The following PSMA1 variants were observed in gnomAD, a reference collection of about 807,000 sequenced individuals.
PSMA1 encodes proteasome 20S subunit alpha 1, also known as proteasome subunit alpha type-1.
In PSMA1, 3 loss-of-function variants were observed where a neutral mutation model predicts 38.4. That is an observed-to-expected ratio of 0.08 (90% CI 0.04 to 0.20). PSMA1 has a LOEUF of 0.20. PSMA1 is among the 10% of genes least tolerant of loss of function. The pLI is 1.00. For synonymous variants in PSMA1, 101 were observed against 107.1 expected, an observed-to-expected ratio of 0.94 and a Z score of 0.35; for missense variants, 227 against 325.3, an observed-to-expected ratio of 0.70 and a Z score of 2.32.
At chr11:14,514,296 T>G in intron 5 of PSMA1, 107 bp downstream of exon 5, 1 of 1,394,818 alleles carries the variant, frequency 7.2e-7, no homozygotes, top group East Asian at 2.8e-5. Flanking sequence ...GTTTTAAAGT[T>G]TTCACAATCT....
At chr11:14,563,402 A>T (rs972107277) in intron 2 of PSMA1, among the ~76,000 whole-genome samples, 12 of 152,112 alleles carry the variant, frequency 7.9e-5, no homozygotes, top group African/African-American at 2.9e-4. Context: ...GAGTTAATTG[A>T]CCTGTGCTGG....
At chr11:14,569,708 AG>A (rs1354563375) in intron 2 of PSMA1, among the ~76,000 whole-genome samples, 1 of 152,198 alleles carries the variant, frequency 6.6e-6, no homozygotes, top group Non-Finnish European at 1.5e-5. Context: ...CAAAGCAGCC[AG>A]GAAGCTTGAA....
intron 4 of PSMA1, 68 bp downstream of exon 4, chr11:14,517,574 G>A: frequency 8.0e-7 from 1 of 1,251,032 alleles, no homozygotes; most frequent in Non-Finnish European, 1.1e-6. Context: ...TACCTTATCT[G>A]GATCTTTTTG....
At chr11:14,631,434 A>G (rs935907694) in intron 1 of PSMA1, among the ~76,000 whole-genome samples, 1 of 152,134 alleles carries the variant, frequency 6.6e-6, no homozygotes, top group East Asian at 1.9e-4. Context: ...CCCAGTAGTC[A>G]TTCAGGAGCA....
intron 2 of PSMA1, among the ~76,000 whole-genome samples, chr11:14,583,735 A>G (rs1852308045): frequency 6.6e-6 from 1 of 152,192 alleles, no homozygotes; most frequent in Non-Finnish European, 1.5e-5. Flanking sequence ...AGCAAAGGAG[A>G]CACAACATTA....
At chr11:14,553,360 G>T (rs1851908048) in intron 2 of PSMA1, among the ~76,000 whole-genome samples, 1 of 151,930 alleles carries the variant, frequency 6.6e-6, no homozygotes, top group Middle Eastern at 3.2e-3. Context: ...TGTGTGTGTA[G>T]TTCTATGCAA....
chr11:14,636,106 T>A (rs1166930158), intron 1 of PSMA1, among the ~76,000 whole-genome samples: 1 of 152,182 alleles, frequency 6.6e-6, no homozygotes, highest in Non-Finnish European at 1.5e-5. Flanking sequence ...ATGATGAAAC[T>A]AAAGGTAAAG....
chr11:14,553,816 C>A (rs1851914305), intron 2 of PSMA1, among the ~76,000 whole-genome samples: 1 of 152,070 alleles, frequency 6.6e-6, no homozygotes, highest in Non-Finnish European at 1.5e-5. Flanking sequence ...CATAAATTTT[C>A]ATTACTCTGG....
At chr11:14,537,076 TCAAGA>T (rs1157523724) in intron 2 of PSMA1, among the ~76,000 whole-genome samples, 17 of 152,338 alleles carry the variant, frequency 1.1e-4, no homozygotes, top group African/African-American at 2.6e-4. Flanking sequence ...TTATCTTTCC[TCAAGA>T]CAAGAGAGAA....
At chr11:14,623,150 C>A (rs1852869566) in intron 1 of PSMA1, among the ~76,000 whole-genome samples, 1 of 152,168 alleles carries the variant, frequency 6.6e-6, no homozygotes, top group Admixed American at 6.5e-5. Context: ...AAGGACATGG[C>A]AAATTGCATG....
Position 14,534,448 on chromosome 11 carries a change from C to T in PSMA1, c.22-15407G>A, listed in dbSNP as rs1851681784. 1.3e-5 allele frequency among the ~76,000 whole-genome samples: 2 copies of T among 152,150 alleles called. No homozygotes were observed. The highest frequency in any genetic ancestry group is 1.3e-4 in the Admixed American group (2 of 15,262). On this transcript the variant is annotated intron_variant, in intron 2 of 10. Coordinates refer to the PSMA1 transcript ENST00000418988. The surrounding 1 kb of genome is among the most constrained non-coding windows in gnomAD (Gnocchi z 4.5). ...ACAGCTTGCTTTAAACTAGCCTTAT[C>T]TGCACCCACTCCCACCTTTTTAAAA...
intron 1 of PSMA1, among the ~76,000 whole-genome samples, chr11:14,628,994 G>A (rs1468327144): frequency 4.6e-5 from 7 of 151,240 alleles, no homozygotes; most frequent in South Asian, 2.1e-4. Context: ...CATGTCCTTC[G>A]CCCACTTGTT....
chr11:14,507,066 G>A (rs897625951), intron 9 of PSMA1, among the ~76,000 whole-genome samples: 2 of 152,162 alleles, frequency 1.3e-5, no homozygotes, highest in Admixed American at 1.3e-4. Flanking sequence ...CCAGTCAGCC[G>A]CAAAATTGTG....
chr11:14,615,337 G>C (rs535936795), intron 1 of PSMA1, among the ~76,000 whole-genome samples: 1 of 152,334 alleles, frequency 6.6e-6, no homozygotes, highest in African/African-American at 2.4e-5. Context: ...CGTCCTCAGA[G>C]GTTGACCTCT....
Position 14,513,554 on chromosome 11 carries a change from C to T in PSMA1, c.544+16G>A. The T allele has an allele frequency of 2.4e-6, 3 of 1,227,964 alleles. No homozygotes were observed. Among genetic ancestry groups the T allele is most frequent in the South Asian group, 2.5e-5 (1 of 39,758 alleles). The allele number at this position is 1,227,964 out of a possible 1,614,324, so 76.1% of individuals were successfully genotyped here. ...AGGCAAAAAAAAAAAAAAAAAAAAG[C>T]AAGGCTGTCACTTACACTCCATAAA... On this transcript the variant is annotated intron_variant, in intron 7 of 9. Transcript: ENST00000396394.
At chr11:14,585,277 C>T (rs1565050929) in intron 2 of PSMA1, among the ~76,000 whole-genome samples, 2 of 152,096 alleles carry the variant, frequency 1.3e-5, no homozygotes, top group Admixed American at 6.6e-5. Context: ...TCTTTCTGAA[C>T]AGGTCTCTTT....
chr11:14,626,767 G>A (rs545779034), intron 1 of PSMA1, among the ~76,000 whole-genome samples: 67 of 152,324 alleles, frequency 4.4e-4, no homozygotes, highest in African/African-American at 1.6e-3. Context: ...TTATGATAGC[G>A]ATGATAATTA....
intron 2 of PSMA1, among the ~76,000 whole-genome samples, chr11:14,535,060 C>G (rs1024795678): frequency 2.0e-5 from 3 of 151,904 alleles, no homozygotes; most frequent in Non-Finnish European, 4.4e-5. Flanking sequence ...GGCGACAGAA[C>G]GAGACTCCAT....
chr11:14,517,737 T>C lies in PSMA1; in HGVS notation c.159A>G (p.Gln53=), dbSNP rs774125891. The C allele has an allele frequency of 1.0e-5, 16 of 1,595,076 alleles. No homozygotes were observed. The highest frequency in any genetic ancestry group is 9.0e-5 in the Admixed American group (5 of 55,274). Residue 53 remains glutamine, a synonymous_variant, in exon 4 of 10, where the codon CAA becomes CAG. Coordinates refer to ENST00000396394, the MANE Select transcript of PSMA1 (RefSeq NM_002786.4). ...HAVLVALKRA[Q]SELAAHQKKI... is the part of the protein sequence containing the mutation. ...TTTTCTGATGAGCTGCAAGCTCTGA[T>C]TGCGCCCTCTAAATAGAGACATTAT... is the stretch of plus-strand genomic sequence containing the variant.
Sources: allele counts gnomAD v4.1 joint callset (sites outside exome capture counted in the v4.1 genomes callset), GRCh38; gene constraint gnomAD v4.1.1; non-coding constraint Gnocchi (gnomAD v3.1); transcripts MANE v1.5; gene names NCBI Gene and HGNC (gene_info 2026-07-23, HGNC 2026-07-21).